The following LSAMP variants were observed in gnomAD, a reference collection of about 807,000 sequenced individuals.
LSAMP encodes limbic system associated membrane protein.
Under a neutral mutation model 38.6 loss-of-function variants are expected in LSAMP, and 7 were observed. The ratio of observed to expected loss-of-function variants is 0.18; its 90% CI spans 0.10 to 0.34. The LOEUF is 0.34. Among genes scored for constraint, LSAMP ranks in the 10% least tolerant of loss-of-function variants. The pLI is 1.00. For synonymous variants in LSAMP, 154 were observed against 166.8 expected (o/e 0.92, Z 0.59); for missense variants, 313 against 420.0 (o/e 0.75, Z 2.23).
intron 1 of LSAMP, among the ~76,000 whole-genome samples, chr3:116,119,771 C>G (rs1708834751): frequency 6.6e-6 from 1 of 151,758 alleles, no homozygotes; most frequent in Non-Finnish European, 1.5e-5. Flanking sequence ...TGAGATTCTC[C>G]TGCCTCAGCC....
intron 3 of LSAMP, among the ~76,000 whole-genome samples, chr3:115,859,515 C>T (rs1481582122): frequency 1.3e-5 from 2 of 152,164 alleles, no homozygotes; most frequent in Non-Finnish European, 2.9e-5. Context: ...GTGGGTTACT[C>T]TGCTATAGAA....
chr3:116,007,292 T>A (rs959472811), intron 3 of LSAMP, among the ~76,000 whole-genome samples: 1 of 152,150 alleles, frequency 6.6e-6, no homozygotes, highest in Non-Finnish European at 1.5e-5. Flanking sequence ...CAAGGTATTT[T>A]TTTTTTGCCA....
intron 1 of LSAMP, among the ~76,000 whole-genome samples, chr3:116,219,209 C>G (rs1462340488): frequency 6.6e-6 from 1 of 152,150 alleles, no homozygotes; most frequent in East Asian, 1.9e-4. Flanking sequence ...TAGTATTTGT[C>G]TCTCTGTGAC....
At chr3:116,319,045 G>C (rs927362298) in intron 1 of LSAMP, among the ~76,000 whole-genome samples, 5 of 151,954 alleles carry the variant, frequency 3.3e-5, no homozygotes, top group Non-Finnish European at 5.9e-5. Flanking sequence ...TATAGAATTG[G>C]GGGGGTGGGG....
At chr3:116,266,621 G>A (rs1263478226) in intron 1 of LSAMP, among the ~76,000 whole-genome samples, 10 of 152,076 alleles carry the variant, frequency 6.6e-5, no homozygotes, top group Non-Finnish European at 1.0e-4. Context: ...CTACTTGTAC[G>A]TATGCCTTAT....
intron 2 of LSAMP, among the ~76,000 whole-genome samples, chr3:116,038,642 C>T (rs1359089383): frequency 6.6e-6 from 1 of 152,150 alleles, no homozygotes; most frequent in Non-Finnish European, 1.5e-5. Flanking sequence ...TATATACACC[C>T]GCCTCTCATT....
At chr3:116,007,198 G>A (rs1018543912) in intron 3 of LSAMP, among the ~76,000 whole-genome samples, 8 of 152,148 alleles carry the variant, frequency 5.3e-5, no homozygotes, top group African/African-American at 1.9e-4. Flanking sequence ...GAGCCTCATG[G>A]GCTTTTGAGT....
At chr3:116,032,820 T>C (rs774850619) in intron 2 of LSAMP, among the ~76,000 whole-genome samples, 30 of 151,920 alleles carry the variant, frequency 2.0e-4, no homozygotes, top group Non-Finnish European at 4.1e-4. Flanking sequence ...TTTAAATAAA[T>C]AATAAATAAA....
intron 1 of LSAMP, among the ~76,000 whole-genome samples, chr3:116,422,779 G>C (rs2049144679): frequency 6.6e-6 from 1 of 152,110 alleles, no homozygotes; most frequent in Non-Finnish European, 1.5e-5. Flanking sequence ...AATAAATAGT[G>C]CTGCTAAGCT....
At chr3:115,986,833 T>C (rs1188902416) in intron 3 of LSAMP, among the ~76,000 whole-genome samples, 1 of 152,204 alleles carries the variant, frequency 6.6e-6, no homozygotes, top group Non-Finnish European at 1.5e-5. Context: ...CAATGACTAA[T>C]GTTTCTCCCA....
chr3:115,865,853 C>G (rs1935842778), intron 3 of LSAMP, among the ~76,000 whole-genome samples: 1 of 152,080 alleles, frequency 6.6e-6, no homozygotes, highest in Non-Finnish European at 1.5e-5. Flanking sequence ...CCATCTTGAC[C>G]CGGGATCAGG....
At chr3:116,314,364 A>G (rs1396795223) in intron 1 of LSAMP, among the ~76,000 whole-genome samples, 2 of 152,232 alleles carry the variant, frequency 1.3e-5, no homozygotes, top group African/African-American at 4.8e-5. Flanking sequence ...GCTTAGAAAC[A>G]TGGCAAAAGA....
intron 3 of LSAMP, among the ~76,000 whole-genome samples, chr3:115,882,215 A>C (rs1254116638): frequency 1.3e-5 from 2 of 152,172 alleles, no homozygotes; most frequent in East Asian, 3.9e-4. Context: ...TCAATAACTC[A>C]CATACACCTA....
intron 3 of LSAMP, among the ~76,000 whole-genome samples, chr3:115,873,662 G>A (rs925089482): frequency 1.6e-4 from 25 of 151,984 alleles, no homozygotes; most frequent in African/African-American, 5.8e-4. Context: ...ATACCTTGCC[G>A]CTAACTTTTA....
chr3:116,340,113 T>C (rs2047972910), intron 1 of LSAMP, among the ~76,000 whole-genome samples: 1 of 152,064 alleles, frequency 6.6e-6, no homozygotes, highest in South Asian at 2.1e-4. Context: ...GTCACTCAAT[T>C]ATCCCTATCA....
At chr3:116,290,402 A>G (rs1420420504) in intron 1 of LSAMP, among the ~76,000 whole-genome samples, 3 of 151,906 alleles carry the variant, frequency 2.0e-5, no homozygotes, top group Admixed American at 6.6e-5. Flanking sequence ...ATTCCCCCCC[A>G]TCTTCCCCAC....
chr3:116,152,449 C>T (rs1173817604), intron 1 of LSAMP, among the ~76,000 whole-genome samples: 4 of 152,114 alleles, frequency 2.6e-5, no homozygotes, highest in African/African-American at 9.7e-5. Flanking sequence ...TCTGGTTTCA[C>T]TGCCTGTACT....
chr3:115,966,606 A>C (rs4518123), intron 3 of LSAMP, among the ~76,000 whole-genome samples: 22,296 of 152,216 alleles, frequency 0.15, 1,887 homozygotes, highest in Non-Finnish European at 0.2. Flanking sequence ...TTCTAAGACC[A>C]AATATTGGAA....
At chr3:116,245,707 A>G (rs780387151) in intron 1 of LSAMP, among the ~76,000 whole-genome samples, 38 of 152,220 alleles carry the variant, frequency 2.5e-4, no homozygotes, top group African/African-American at 8.0e-4. Flanking sequence ...AAGTTAGTTC[A>G]TTAAACACCT....
Sources: allele counts gnomAD v4.1 joint callset (sites outside exome capture counted in the v4.1 genomes callset), GRCh38; gene constraint gnomAD v4.1.1; transcripts MANE v1.5; gene names NCBI Gene and HGNC (gene_info 2026-07-23, HGNC 2026-07-21).